The following ITSN2 variants were observed in gnomAD, a reference collection of about 807,000 sequenced individuals.
ITSN2 encodes intersectin 2, also known as intersectin-2.
Under a neutral mutation model 243.7 loss-of-function variants are expected in ITSN2, and 156 were observed. The ratio of observed to expected loss-of-function variants is 0.64; its 90% confidence interval spans 0.56 to 0.73. The LOEUF (loss-of-function observed/expected upper bound fraction) is 0.73. ITSN2 is among the 30% of genes least tolerant of loss of function. The probability of loss-of-function intolerance (pLI) is 0.00; values close to 1 mark genes in which losing one functional copy is unlikely to be tolerated. For synonymous variants in ITSN2, 703 were observed against 699.9 expected, an observed-to-expected ratio of 1.00 and a Z score of -0.07; for missense variants, 1,801 against 1,996.1, an observed-to-expected ratio of 0.90 and a Z score of 1.86.
rs1265704460 is a variant in ITSN2 at position 24,208,335 on chromosome 2, G to A, written c.4596-16C>T. The A allele has an allele frequency of 6.2e-7, 1 of 1,608,436 alleles. No individual in the cohort carries two copies. Among genetic ancestry groups the A allele is most frequent in the Non-Finnish European group, 8.5e-7 (1 of 1,177,294 alleles). Reference sequence around the variant, plus strand: ...CCAGGCGGTCCTACGGGAGAAGCAGGGGCAGCCGTTGGCCGCATCCCACCC... The same window carrying A: ...CCAGGCGGTCCTACGGGAGAAGCAGAGGCAGCCGTTGGCCGCATCCCACCC... On this transcript the variant is annotated splice_polypyrimidine_tract_variant and intron_variant, in intron 36 of 39. Transcript: ENST00000355123.
At chr2:24,340,027 C>T (rs896993584) in intron 1 of ITSN2, among the ~76,000 whole-genome samples, 1 of 151,808 alleles carries the variant, frequency 6.6e-6, no homozygotes, top group African/African-American at 2.4e-5. Flanking sequence ...CAAAGTGAGA[C>T]AGTGTCTCTA....
rs148045382 is a variant in ITSN2, at chr2:24,348,991, T to C, written c.-34+11313A>G. ...TAAAATAATAATAAATGTGGGCCAG[T>C]TGCAGTGGCTCACCCCTGTAATCCC... On this transcript the variant is annotated intron_variant, in intron 1 of 39. Coordinates refer to ENST00000355123, the MANE Select transcript of ITSN2 (RefSeq NM_006277.3). Among the ~76,000 whole-genome samples the C allele has an allele frequency of 4.4e-3, 672 of 152,182 alleles. 8 individuals are homozygous for C. The highest frequency in any genetic ancestry group is 0.015 in the African/African-American group (630 of 41,520).
chr2:24,304,433 G>A (rs900840501), intron 8 of ITSN2, among the ~76,000 whole-genome samples: 1 of 152,206 alleles, frequency 6.6e-6, no homozygotes, highest in African/African-American at 2.4e-5. Context: ...AAGCAACCAT[G>A]TATTACAACA....
chr2:24,349,423 T>C (rs1415961085), intron 1 of ITSN2, among the ~76,000 whole-genome samples: 1 of 152,204 alleles, frequency 6.6e-6, no homozygotes, highest in Non-Finnish European at 1.5e-5. Flanking sequence ...TGATAAAACC[T>C]ATGGTTGTTC....
In ITSN2 at chr2:24,337,329, T is replaced by TACACATATATATATACATAC. The variant is rs1435357275; in HGVS notation, c.-33-9215_-33-9214insGTATGTATATATATATGTGT. Among the ~76,000 whole-genome samples, 3 of 94,462 alleles carry TACACATATATATATACATAC rather than the reference T, an allele frequency of 3.2e-5. 1 individual carries two copies. The highest frequency in any genetic ancestry group is 1.3e-4 in the African/African-American group (3 of 23,688). The allele number at this position is 94,462 out of a possible 152,430, so 62.0% of individuals were successfully genotyped here. A position where few individuals can be genotyped will look rare whatever the true frequency, so the allele number is the denominator to read the frequency against. ...TGTATACACAAAATATATATATATA[T>TACACATATATATATACATAC]ATATATATATATATATATATATATG... On this transcript the variant is annotated intron_variant, in intron 1 of 39. Coordinates refer to ENST00000355123, the MANE Select transcript of ITSN2 (RefSeq NM_006277.3).
At chr2:24,360,177 G>C (rs1574432397) in intron 1 of ITSN2, 127 bp downstream of exon 1, 1 of 152,216 alleles carries the variant, frequency 6.6e-6, no homozygotes, top group Non-Finnish European at 1.5e-5. Flanking sequence ...CCGTACTCCC[G>C]AGGACCCGTC....
Position 24,221,069 on chromosome 2 carries a change from G to A in ITSN2, c.3578-3C>T. 1.3e-6 allele frequency: 2 copies of A among 1,596,114 alleles called. No individual in the cohort carries two copies. The highest frequency in any genetic ancestry group is 1.2e-5 in the South Asian group (1 of 86,600). ...CAGGGTTTGCAGATCAGCACACCCT[G>A]TGGAAAAAACAGGGTAGTTTAAAAT... is the stretch of plus-strand genomic sequence containing the variant. On this transcript the variant is annotated splice_region_variant and splice_polypyrimidine_tract_variant and intron_variant, in intron 29 of 39. Transcript: ENST00000355123.
chr2:24,329,551 GC>G (rs1475765755), intron 1 of ITSN2, among the ~76,000 whole-genome samples: 2 of 152,168 alleles, frequency 1.3e-5, no homozygotes, highest in Non-Finnish European at 2.9e-5. Context: ...GGGATTACAG[GC>G]CACTGTGTCC....
chr2:24,272,028 G>T, intron 18 of ITSN2, 87 bp from the exon 19 acceptor site: 1 of 1,117,860 alleles, frequency 8.9e-7, no homozygotes, highest in Non-Finnish European at 1.2e-6. Context: ...TTCCTGTCAA[G>T]GTGAAGAACT....
At chr2:24,294,075 GC>G (rs1013043847) in intron 14 of ITSN2, among the ~76,000 whole-genome samples, 2 of 152,124 alleles carry the variant, frequency 1.3e-5, no homozygotes, top group African/African-American at 4.8e-5. Flanking sequence ...GCAGACCTGC[GC>G]TAGATGGTAT....
intron 1 of ITSN2, among the ~76,000 whole-genome samples, chr2:24,350,566 C>T (rs1463115289): frequency 2.0e-5 from 3 of 151,994 alleles, no homozygotes; most frequent in South Asian, 2.1e-4. Flanking sequence ...TAGAAGCAAC[C>T]GAGTGGAAGC....
chr2:24,227,640 G>T (rs1247523071), intron 29 of ITSN2, among the ~76,000 whole-genome samples: 1 of 152,202 alleles, frequency 6.6e-6, no homozygotes, highest in Non-Finnish European at 1.5e-5. Flanking sequence ...GAGATGGAAG[G>T]CTGGGCATGG....
chr2:24,241,130 T>C (rs1476971862), intron 29 of ITSN2: 2 of 152,146 alleles, frequency 1.3e-5, no homozygotes, highest in East Asian at 3.8e-4. Flanking sequence ...ATGTCTGTTT[T>C]GGGGACATTT....
chr2:24,293,368 G>A, intron 15 of ITSN2: 1 of 189,666 alleles, frequency 5.3e-6, no homozygotes, highest in South Asian at 1.0e-4. Context: ...TTTTCAAAAT[G>A]CACATGTAGT....
At chr2:24,330,560 CA>C in intron 1 of ITSN2, 1 of 835,852 alleles carries the variant, frequency 1.2e-6, no homozygotes, top group South Asian at 1.3e-5. Flanking sequence ...AGAAGGTACC[CA>C]AAGGGAAAAA....
At chr2:24,269,127 T>A (rs1193420556) in intron 20 of ITSN2, among the ~76,000 whole-genome samples, 1 of 151,856 alleles carries the variant, frequency 6.6e-6, no homozygotes, top group Non-Finnish European at 1.5e-5. Context: ...TCCTTCAGTG[T>A]CCATGTTTCT....
chr2:24,268,754 C>T (rs996081417), intron 20 of ITSN2, among the ~76,000 whole-genome samples: 1 of 149,394 alleles, frequency 6.7e-6, no homozygotes, highest in African/African-American at 2.4e-5. Flanking sequence ...CTTCAGCCAA[C>T]TTTAAAAAAA....
At chr2:24,343,785 T>C (rs574009074) in intron 1 of ITSN2, among the ~76,000 whole-genome samples, 1 of 152,318 alleles carries the variant, frequency 6.6e-6, no homozygotes, top group East Asian at 1.9e-4. Flanking sequence ...TTAGAGTACC[T>C]ATACCAGTAA....
chr2:24,296,449 G>A (rs1222680982), intron 13 of ITSN2, among the ~76,000 whole-genome samples: 1 of 152,162 alleles, frequency 6.6e-6, no homozygotes, highest in East Asian at 1.9e-4. Context: ...AATATTTGGA[G>A]ACAGGGCCTT....
Sources: allele counts gnomAD v4.1 joint callset (sites outside exome capture counted in the v4.1 genomes callset), GRCh38; gene constraint gnomAD v4.1.1; transcripts MANE v1.5; gene names NCBI Gene and HGNC (gene_info 2026-07-23, HGNC 2026-07-21).